The following SGCD variants were observed in gnomAD, a reference collection of about 807,000 sequenced individuals.
The protein encoded by SGCD is delta-sarcoglycan.
Under a neutral mutation model 36.6 loss-of-function variants are expected in SGCD, and 18 were observed. That is an observed-to-expected ratio of 0.49 (90% CI 0.34 to 0.73). The LOEUF is 0.73. Ranked by LOEUF, SGCD falls within the 30% of genes least tolerant of loss-of-function variation. SGCD has a pLI of 0.01. For missense variants in SGCD, 387 were observed against 346.7 expected, an observed-to-expected ratio of 1.12 and a Z score of -0.92; for synonymous variants, 133 against 130.6, an observed-to-expected ratio of 1.02 and a Z score of -0.12.
chr5:156,241,287 T>TGTGTGTGTGTGC (rs1023757470), intron 3 of SGCD, among the ~76,000 whole-genome samples: 72 of 148,596 alleles, frequency 4.8e-4, no homozygotes, highest in African/African-American at 1.7e-3. Flanking sequence ...TGTGTGTGTG[T>TGTGTGTGTGTGC]GCATGTATGT....
At chr5:155,738,088 A>C in the SGCD span, among the ~76,000 whole-genome samples, 1 of 152,144 alleles carries the variant, frequency 6.6e-6, no homozygotes, top group South Asian at 2.1e-4. Flanking sequence ...TCCTTCCTCA[A>C]CCCAGAGGGC....
intron 3 of SGCD, among the ~76,000 whole-genome samples, chr5:156,501,011 A>G (rs769574112): frequency 6.6e-6 from 1 of 152,136 alleles, no homozygotes; most frequent in Non-Finnish European, 1.5e-5. Context: ...ATGGCCACCT[A>G]CATGATCCCT....
intron 3 of SGCD, among the ~76,000 whole-genome samples, chr5:156,134,594 G>A (rs983086727): frequency 1.4e-4 from 21 of 150,892 alleles, no homozygotes; most frequent in Non-Finnish European, 2.5e-4. Context: ...TAAAGTTCCG[G>A]TACAGAAAAC....
intron 3 of SGCD, among the ~76,000 whole-genome samples, chr5:156,435,035 A>G (rs1753186338): frequency 6.6e-6 from 1 of 152,198 alleles, no homozygotes; most frequent in African/African-American, 2.4e-5. Flanking sequence ...ATTATTGTAA[A>G]GGAAAGATCA....
At chr5:156,758,920 A>G (rs1757439433) in intron 8 of SGCD, among the ~76,000 whole-genome samples, 1 of 152,226 alleles carries the variant, frequency 6.6e-6, no homozygotes. Flanking sequence ...AAAATTGTTA[A>G]ATGTCACATT....
At chr5:156,620,780 T>C (rs1197640125) in intron 6 of SGCD, among the ~76,000 whole-genome samples, 1 of 152,186 alleles carries the variant, frequency 6.6e-6, no homozygotes, top group African/African-American at 2.4e-5. Flanking sequence ...TGTATCAGCA[T>C]ATAGTAAACA....
At chr5:156,389,740 C>G (rs189187002) in intron 3 of SGCD, among the ~76,000 whole-genome samples, 1 of 152,210 alleles carries the variant, frequency 6.6e-6, no homozygotes, top group Non-Finnish European at 1.5e-5. Context: ...ATTGGAGACC[C>G]CTGATGTATA....
chr5:156,182,660 G>A (rs1763636810), intron 3 of SGCD, among the ~76,000 whole-genome samples: 1 of 152,080 alleles, frequency 6.6e-6, no homozygotes, highest in East Asian at 1.9e-4. Context: ...TGGTCACCTG[G>A]TTAATGACTG....
chr5:156,116,354 A>G (rs1045767052), intron 1 of SGCD, among the ~76,000 whole-genome samples: 2 of 152,060 alleles, frequency 1.3e-5, no homozygotes, highest in Non-Finnish European at 2.9e-5. Flanking sequence ...CTTATTATAT[A>G]TGTGGCCAAG....
intron 3 of SGCD, among the ~76,000 whole-genome samples, chr5:156,403,976 G>A (rs201393955): frequency 6.6e-6 from 1 of 151,986 alleles, no homozygotes; most frequent in East Asian, 1.9e-4. Context: ...TGGGATTACA[G>A]GTGGTGCACC....
chr5:156,564,818 G>T (rs1333076794), intron 4 of SGCD, among the ~76,000 whole-genome samples: 1 of 152,116 alleles, frequency 6.6e-6, no homozygotes, highest in Non-Finnish European at 1.5e-5. Context: ...TGTAGCATGT[G>T]TCATAATTTC....
intron 1 of SGCD, among the ~76,000 whole-genome samples, chr5:156,012,642 T>C (rs1425692263): frequency 6.6e-6 from 1 of 150,796 alleles, no homozygotes; most frequent in East Asian, 2.0e-4. Context: ...AGAGGGAGTC[T>C]CGCTCTGTGG....
intron 3 of SGCD, among the ~76,000 whole-genome samples, chr5:156,392,706 A>C (rs1771643150): frequency 6.6e-6 from 1 of 152,136 alleles, no homozygotes; most frequent in Non-Finnish European, 1.5e-5. Context: ...ATTCAGTGGG[A>C]GTAGCTCTCA....
chr5:156,695,531 AG>A (rs1433961040), intron 7 of SGCD, among the ~76,000 whole-genome samples: 3,898 of 122,438 alleles, frequency 0.032, 184 homozygotes, highest in African/African-American at 0.12. Flanking sequence ...ATAGATAGAT[AG>A]ATAGATAGAT....
chr5:155,888,903 C>T lies in SGCD; in HGVS notation c.-282+18479C>T, dbSNP rs958078974. Among the ~76,000 whole-genome samples, 5 of 152,178 alleles carry T rather than the reference C, an allele frequency of 3.3e-5. No homozygotes were observed. In the East Asian group the frequency reaches 9.6e-4, roughly 29 times the overall value. On this transcript the variant is annotated intron_variant, in intron 1 of 9. Transcript: ENST00000517913. ...CACATCCTTCACTTCTATGGCTTTGCTCTGACAATTGGATCTACCTTAATT... is the reference window on the plus strand; with the variant it reads ...CACATCCTTCACTTCTATGGCTTTGTTCTGACAATTGGATCTACCTTAATT...
chr5:155,822,773 T>G, the SGCD span, among the ~76,000 whole-genome samples: 1 of 152,258 alleles, frequency 6.6e-6, no homozygotes, highest in African/African-American at 2.4e-5. Context: ...AGCAAATGTT[T>G]ACTAAATATT....
intron 3 of SGCD, among the ~76,000 whole-genome samples, chr5:156,468,866 C>T (rs1754830863): frequency 6.6e-6 from 1 of 152,136 alleles, no homozygotes; most frequent in Admixed American, 6.6e-5. Context: ...ATGGCACATG[C>T]CCGTAATCCC....
chr5:156,618,592 CAAAAA>C (rs748789128), intron 6 of SGCD, among the ~76,000 whole-genome samples: 3 of 76,362 alleles, frequency 3.9e-5, no homozygotes, highest in Non-Finnish European at 8.0e-5. Flanking sequence ...TCATAATTCT[CAAAAA>C]AAAAAAAAAA....
At chr5:156,727,853 A>G (rs1755855679) in intron 7 of SGCD, among the ~76,000 whole-genome samples, 1 of 152,346 alleles carries the variant, frequency 6.6e-6, no homozygotes, top group Non-Finnish European at 1.5e-5. Flanking sequence ...TTTATTTTCA[A>G]TGTAAAGTAC....
Sources: gnomAD v4.1 joint callset for allele counts (sites outside exome capture counted in the v4.1 genomes callset) on GRCh38, gnomAD v4.1.1 for gene constraint, MANE v1.5 for transcripts, NCBI Gene and HGNC (gene_info 2026-07-23, HGNC 2026-07-21) for gene names.